Variants in SLC17A4 observed in about 807,000 individuals in gnomAD.
The protein encoded by SLC17A4 is solute carrier family 17 member 4.
A neutral mutation model predicts 52.5 loss-of-function variants in SLC17A4; 33 were observed. The ratio of observed to expected loss-of-function variants is 0.63; its 90% CI spans 0.48 to 0.84. The LOEUF (loss-of-function observed/expected upper bound fraction) is 0.84, where lower values mean the gene tolerates loss of function less well. Among genes scored for constraint, SLC17A4 ranks in the 40% least tolerant of loss-of-function variants. The probability of loss-of-function intolerance (pLI) is 0.00; values close to 1 mark genes in which losing one functional copy is unlikely to be tolerated. For missense variants in SLC17A4, 585 were observed against 597.1 expected, an observed-to-expected ratio of 0.98 and a Z score of 0.21; for synonymous variants, 225 against 216.2, an observed-to-expected ratio of 1.04 and a Z score of -0.36.
Position 25,762,026 on chromosome 6 carries a change from G to A in SLC17A4, c.64G>A (p.Val22Met), listed in dbSNP as rs576691816. 6 of 1,613,320 alleles carry A rather than the reference G, an allele frequency of 3.7e-6. No homozygotes were observed. The highest frequency in any genetic ancestry group is 2.2e-5 in the South Asian group (2 of 91,008). The change falls in exon 2 of 12, where the codon GTG becomes ATG. Residue 22 changes from valine to methionine, a missense_variant. By Grantham distance (21) the Val-to-Met change is conservative. Transcript: ENST00000377905. ...CATTTCCAGTGATGGCAATTTAAAC[G>A]TGGCTCAAGAGGAATGCTCCAGGAA... is the stretch of plus-strand genomic sequence containing the variant. ...GDISSDGNLN[V>M]AQEECSRKGF...
chr6:25,763,822 C>T (rs1158023565), intron 2 of SLC17A4, among the ~76,000 whole-genome samples: 2 of 152,204 alleles, frequency 1.3e-5, no homozygotes, highest in Non-Finnish European at 2.9e-5. Flanking sequence ...ACAGACATCA[C>T]TTTGACCTTC....
Position 25,768,998 on chromosome 6 carries a change from C to A in SLC17A4, c.105C>A (p.Val35=). The change falls in exon 3 of 12, where the codon GTC becomes GTA. Residue 35 remains valine, a synonymous_variant. Transcript: ENST00000377905. ...TTTTCCTCTCAGGTTTTTGTTCAGT[C>A]CGACATGGGCTGGCCCTCATCTTGC... ...EECSRKGFCS[V]RHGLALILQL... is the part of the protein sequence containing the mutation. 2 of 1,613,964 alleles carry A rather than the reference C, an allele frequency of 1.2e-6. No homozygotes were observed. The highest frequency in any genetic ancestry group is 1.3e-5 in the African/African-American group (1 of 75,004).
In SLC17A4 at chr6:25,777,988, C is replaced by T; in HGVS notation, c.1331C>T (p.Pro444Leu). 19 of 1,612,746 alleles carry T rather than the reference C, an allele frequency of 1.2e-5. No individual in the cohort carries two copies. The highest frequency in any genetic ancestry group is 1.5e-5 in the Non-Finnish European group (18 of 1,179,654). ...VFAHIAGAIS[P>L]TAAGFFISQD... ...GCACACATAGCTGGAGCCATCTCTC[C>T]TACTGCTGCTGGATTTTTCATCAGT... The change falls in exon 11 of 12, where the codon CCT becomes CTT. Residue 444 changes from proline (P) to leucine (L), a missense_variant. By Grantham distance (98) the Pro-to-Leu change is moderately conservative. Coordinates refer to ENST00000377905, the MANE Select transcript of SLC17A4 (RefSeq NM_005495.3).
chr6:25,780,868 G>A lies in SLC17A4; in HGVS notation c.*1680G>A, dbSNP rs1420859257. The stretch of plus-strand genomic sequence containing the variant: ...ATTACTAAGTGAGAGAGTGAAAGAT[G>A]TCCAGAGTAACTCCTGAGTTTTGGT... On this transcript the variant is annotated 3_prime_UTR_variant, in exon 12 of 12. Coordinates refer to ENST00000377905, the MANE Select transcript of SLC17A4 (RefSeq NM_005495.3). 2 of 152,136 alleles carry A rather than the reference G, an allele frequency of 1.3e-5. No individual in the cohort carries two copies. The highest frequency in any genetic ancestry group is 4.8e-5 in the African/African-American group (2 of 41,418). 9.4% of individuals were successfully genotyped at this position (152,136 alleles called of 1,614,324 possible).
rs781531447 is a variant in SLC17A4 at position 25,769,221 on chromosome 6, T to C, written c.297+31T>C. 4.5e-5 allele frequency: 71 copies of C among 1,566,494 alleles called. No individual in the cohort carries two copies. In the South Asian group the frequency reaches 7.2e-4, roughly 16 times the overall value. On this transcript the variant is annotated intron_variant, in intron 3 of 11. Coordinates refer to ENST00000377905, the MANE Select transcript of SLC17A4 (RefSeq NM_005495.3). ...TTTAATGAGACTCTGGACTCTTTCTTTGACTCAAATAATTTGACTTAAAGA... is the reference window on the plus strand; with the variant it reads ...TTTAATGAGACTCTGGACTCTTTCTCTGACTCAAATAATTTGACTTAAAGA...
At chr6:25,756,992 G>A in intron 1 of SLC17A4, among the ~76,000 whole-genome samples, 1 of 152,180 alleles carries the variant, frequency 6.6e-6, no homozygotes, top group East Asian at 1.9e-4. Flanking sequence ...TTTTCCAGCA[G>A]ACTATTCAGT....
At chr6:25,769,486 A>G (rs1030299902) in intron 3 of SLC17A4, among the ~76,000 whole-genome samples, 1 of 151,784 alleles carries the variant, frequency 6.6e-6, no homozygotes, top group Non-Finnish European at 1.5e-5. Context: ...TGAACTGGGG[A>G]GGCAGAAGTT....
intron 1 of SLC17A4, among the ~76,000 whole-genome samples, chr6:25,757,491 C>T (rs889356129): frequency 6.6e-6 from 1 of 151,988 alleles, no homozygotes; most frequent in Non-Finnish European, 1.5e-5. Flanking sequence ...ATTAATAGGT[C>T]CAGTCCAGTG....
At chr6:25,775,832 T>C (rs1954598) in intron 8 of SLC17A4, among the ~76,000 whole-genome samples, 137,419 of 152,228 alleles carry the variant, frequency 0.9, 62,220 homozygotes, top group East Asian at 0.98. Context: ...ACAGTATACT[T>C]AGTAATATGC....
intron 1 of SLC17A4, among the ~76,000 whole-genome samples, chr6:25,756,925 AT>A (rs1425822432): frequency 6.6e-6 from 1 of 152,126 alleles, no homozygotes; most frequent in Non-Finnish European, 1.5e-5. Flanking sequence ...GACTGATATG[AT>A]TTTTTCAATT....
Position 25,780,359 on chromosome 6 carries a change from T to G in SLC17A4, c.*1171T>G, listed in dbSNP as rs1010873826. On this transcript the variant is annotated 3_prime_UTR_variant, in exon 12 of 12. Transcript: ENST00000377905. The stretch of plus-strand genomic sequence containing the variant: ...AGAAATAATGAGTGGTTACATGGGT[T>G]ATGAGAGTGGATGATAAGTGCACTA... The G allele has an allele frequency of 2.0e-5, 3 of 152,104 alleles. No homozygotes were observed. Among genetic ancestry groups the G allele is most frequent in the African/African-American group, 7.2e-5 (3 of 41,416 alleles). 9.4% of individuals were successfully genotyped at this position (152,104 alleles called of 1,614,324 possible).
Position 25,776,736 on chromosome 6 carries a change from G to A in SLC17A4, c.1120+9G>A, listed in dbSNP as rs759860275. The A allele has an allele frequency of 2.5e-6, 4 of 1,613,844 alleles. No individual in the cohort carries two copies. Among genetic ancestry groups the A allele is most frequent in the African/African-American group, 1.3e-5 (1 of 74,898 alleles). Reference sequence around the variant, plus strand: ...ACTCTTCACTGCCATTGGTAAGGGAGAGACTGGACACAGGGGTGAACGTGG... The same window carrying A: ...ACTCTTCACTGCCATTGGTAAGGGAAAGACTGGACACAGGGGTGAACGTGG... On this transcript the variant is annotated intron_variant, in intron 9 of 11. Transcript: ENST00000377905.
At chr6:25,761,798 T>C (rs1761558168) in intron 1 of SLC17A4, 129 bp from the exon 2 acceptor site, 1 of 570,018 alleles carries the variant, frequency 1.8e-6, no homozygotes, top group Non-Finnish European at 3.0e-6. Flanking sequence ...GGATGACAAG[T>C]TAGTTTTCAT....
intron 10 of SLC17A4, 193 bp from the exon 11 acceptor site, chr6:25,777,733 C>A: frequency 1.8e-6 from 1 of 558,342 alleles, no homozygotes. Context: ...AATCATTGGT[C>A]AGTACATTTC....
intron 10 of SLC17A4, 148 bp downstream of exon 10, chr6:25,777,107 C>T (rs1381213072): frequency 3.4e-6 from 3 of 887,814 alleles, no homozygotes; most frequent in African/African-American, 1.7e-5. Context: ...CTAAATAATT[C>T]CTGGAAGAGA....
chr6:25,777,064 A>G, intron 10 of SLC17A4, 105 bp downstream of exon 10: 1 of 1,229,800 alleles, frequency 8.1e-7, no homozygotes. Flanking sequence ...AACAGGTTGC[A>G]GGAAATGTCA....
At chr6:25,771,197 C>T (rs1274733008) in intron 6 of SLC17A4, among the ~76,000 whole-genome samples, 185 bp downstream of exon 6, 2 of 152,130 alleles carry the variant, frequency 1.3e-5, no homozygotes, top group Non-Finnish European at 2.9e-5. Context: ...AATCTTATGA[C>T]ATTAGAGGCA....
At chr6:25,763,344 G>A (rs1222236004) in intron 2 of SLC17A4, among the ~76,000 whole-genome samples, 3 of 152,172 alleles carry the variant, frequency 2.0e-5, no homozygotes, top group Admixed American at 2.0e-4. Flanking sequence ...TAATAAGGCA[G>A]AACCCCAGCT....
chr6:25,756,796 G>C (rs764287748), intron 1 of SLC17A4, among the ~76,000 whole-genome samples: 3 of 152,152 alleles, frequency 2.0e-5, no homozygotes, highest in Non-Finnish European at 4.4e-5. Context: ...AATATTTACT[G>C]AATCAATGAA....
Sources: allele counts gnomAD v4.1 joint callset (sites outside exome capture counted in the v4.1 genomes callset), GRCh38; gene constraint gnomAD v4.1.1; transcripts MANE v1.5; gene names NCBI Gene and HGNC (gene_info 2026-07-23, HGNC 2026-07-21).